Variants in TLCD5 observed in about 807,000 individuals in gnomAD.
The protein encoded by TLCD5 is TLC domain-containing protein 5.
A neutral mutation model predicts 20.5 loss-of-function variants in TLCD5; 15 were observed. That is an observed-to-expected ratio of 0.73 (90% CI 0.49 to 1.13). The LOEUF is 1.13. Ranked by LOEUF, TLCD5 falls within the 50% of genes most tolerant of loss-of-function variation. The pLI, the probability that TLCD5 is intolerant of heterozygous loss-of-function variation, is 0.00. For synonymous variants in TLCD5, 107 were observed against 114.7 expected (o/e 0.93, Z 0.43); for missense variants, 289 against 305.6 (o/e 0.95, Z 0.41).
chr11:120,326,761 T>G (rs923650484), intron 1 of TLCD5, among the ~76,000 whole-genome samples: 1 of 152,222 alleles, frequency 6.6e-6, no homozygotes, highest in Non-Finnish European at 1.5e-5. Context: ...AAAACTCCCC[T>G]CCTCTTGAAC....
intron 1 of TLCD5, among the ~76,000 whole-genome samples, chr11:120,325,829 A>T (rs959340476): frequency 4.6e-5 from 7 of 152,238 alleles, no homozygotes; most frequent in Non-Finnish European, 7.3e-5. Context: ...AAGGTCACAG[A>T]GTTGTGTCTG....
At chr11:120,325,715 G>A (rs1941983077) in intron 1 of TLCD5, among the ~76,000 whole-genome samples, 1 of 152,236 alleles carries the variant, frequency 6.6e-6, no homozygotes, top group Non-Finnish European at 1.5e-5. Flanking sequence ...GGAGAAACCA[G>A]GAGAGGAGCC....
intron 1 of TLCD5, 69 bp from the exon 2 acceptor site, chr11:120,327,372 C>G (rs749542181): frequency 3.1e-6 from 5 of 1,612,206 alleles, no homozygotes; most frequent in Middle Eastern, 1.8e-4. Flanking sequence ...GATATATACA[C>G]AAAATGACCC....
At chr11:120,329,638 A>G (rs770161167) in intron 2 of TLCD5, among the ~76,000 whole-genome samples, 4 of 152,064 alleles carry the variant, frequency 2.6e-5, no homozygotes, top group Non-Finnish European at 5.9e-5. Flanking sequence ...AAAAAAAAAT[A>G]AAGTTTAGGA....
At position 120,332,850 on chromosome 11, in the gene TLCD5, A is replaced by G. The variant is rs34298380; in HGVS notation, c.*2335A>G. 0.44 allele frequency: 66,496 copies of G among 152,012 alleles called. 15,283 individuals are homozygous for G. Among genetic ancestry groups the G allele is most frequent in the African/African-American group, 0.57 (23,758 of 41,372 alleles). 9.4% of individuals were successfully genotyped at this position (152,012 alleles called of 1,614,324 possible). On this transcript the variant is annotated 3_prime_UTR_variant, in exon 3 of 3. Transcript: ENST00000375095. The surrounding 1 kb of genome is among the most constrained non-coding windows in gnomAD (Gnocchi z 4.2). ...CCAGCCATGAGCGGTCTTGAAAATGAAAAATGGTCTTGGCCACAGAAACCA... is the reference window on the plus strand; with the variant it reads ...CCAGCCATGAGCGGTCTTGAAAATGGAAAATGGTCTTGGCCACAGAAACCA...
chr11:120,325,535 G>A (rs543743116), intron 1 of TLCD5, among the ~76,000 whole-genome samples, 167 bp downstream of exon 1: 1 of 152,128 alleles, frequency 6.6e-6, no homozygotes, highest in Admixed American at 6.5e-5. Flanking sequence ...GCGCCAGCGG[G>A]ATGCGGGGAT....
chr11:120,327,179 G>A (rs948446721), intron 1 of TLCD5: 15 of 600,362 alleles, frequency 2.5e-5, no homozygotes, highest in African/African-American at 2.0e-4. Context: ...TGTGATGTCA[G>A]CCTACCAGCT....
At position 120,333,233 on chromosome 11, in the gene TLCD5, C is replaced by T. The variant is rs1358299549; in HGVS notation, c.*2718C>T. The T allele has an allele frequency of 6.6e-6, 1 of 152,164 alleles. No individual in the cohort carries two copies. Among genetic ancestry groups the T allele is most frequent in the East Asian group, 1.9e-4 (1 of 5,202 alleles). 9.4% of individuals were successfully genotyped at this position (152,164 alleles called of 1,614,324 possible). On this transcript the variant is annotated 3_prime_UTR_variant, in exon 3 of 3. Transcript: ENST00000375095. The surrounding 1 kb of genome is among the most constrained non-coding windows in gnomAD (Gnocchi z 4.5). ...CTCTTGAATTTTGGCACAGTGCAAC[C>T]TGTTCCATACCAGACAAATGAACAG...
Position 120,330,159 on chromosome 11 carries a change from G to A in TLCD5, c.382G>A (p.Ala128Thr), listed in dbSNP as rs757543987. ...TGGGGAGTCTGGCACAGAGGTCAAT[G>A]CAGTCCTCTTTGGAAGTGAGCTTAC... ...VLGESGTEVN[A>T]VLFGSELTNP... Residue 128 changes from alanine (A) to threonine (T), a missense_variant, in exon 3 of 3, where the codon GCA becomes ACA. Transcript: ENST00000375095. The A allele has an allele frequency of 1.2e-6, 2 of 1,605,034 alleles. No homozygotes were observed. Among genetic ancestry groups the A allele is most frequent in the Non-Finnish European group, 1.7e-6 (2 of 1,174,968 alleles).
chr11:120,332,690 G>T lies in TLCD5; in HGVS notation c.*2175G>T, dbSNP rs1285944142. On this transcript the variant is annotated 3_prime_UTR_variant, in exon 3 of 3. Transcript: ENST00000375095. The surrounding 1 kb of genome is among the most constrained non-coding windows in gnomAD (Gnocchi z 4.2). Reference sequence around the variant, plus strand: ...TGGGACTACAGGCGTGTGCCACCATGCCTGGCTACTTTTTGTATTTTTAGT... The same window carrying T: ...TGGGACTACAGGCGTGTGCCACCATTCCTGGCTACTTTTTGTATTTTTAGT... The T allele has an allele frequency of 2.0e-5, 3 of 152,220 alleles. No individual in the cohort carries two copies. Among genetic ancestry groups the T allele is most frequent in the Non-Finnish European group, 4.4e-5 (3 of 68,134 alleles). 9.4% of individuals were successfully genotyped at this position (152,220 alleles called of 1,614,324 possible). A position where few individuals can be genotyped will look rare whatever the true frequency, so the allele number is the denominator to read the frequency against.
chr11:120,329,057 C>T (rs1354100307), intron 2 of TLCD5, among the ~76,000 whole-genome samples: 1 of 148,212 alleles, frequency 6.7e-6, no homozygotes, highest in Non-Finnish European at 1.5e-5. Context: ...GTGTCCTTAT[C>T]CCTTCTAAGG....
intron 2 of TLCD5, among the ~76,000 whole-genome samples, chr11:120,328,917 AGTGT>A (rs369015878): frequency 0.023 from 747 of 32,238 alleles, 23 homozygotes; most frequent in African/African-American, 0.088. Context: ...TAACAGTCAT[AGTGT>A]GTGTGTGTGT....
rs1177509674 is a variant in TLCD5, at chr11:120,333,319, CTTG to C, written c.*2810_*2812del. 6.6e-6 allele frequency: 1 copy of C among 152,140 alleles called. No homozygotes were observed. Among genetic ancestry groups the C allele is most frequent in the Non-Finnish European group, 1.5e-5 (1 of 68,028 alleles). 9.4% of individuals were successfully genotyped at this position (152,140 alleles called of 1,614,324 possible). A position where few individuals can be genotyped will look rare whatever the true frequency, so the allele number is the denominator to read the frequency against. On this transcript the variant is annotated 3_prime_UTR_variant, in exon 3 of 3. Transcript: ENST00000375095. The surrounding 1 kb of genome is among the most constrained non-coding windows in gnomAD (Gnocchi z 4.5). ...CCTCAGAAGTGAAGGGACTGCAGATCTTGTTGTTTTGGGGACACTTTCATGGAA... is the reference window on the plus strand; with the variant it reads ...CCTCAGAAGTGAAGGGACTGCAGATCTTGTTTTGGGGACACTTTCATGGAA...
intron 1 of TLCD5, 140 bp from the exon 2 acceptor site, chr11:120,327,301 C>G: frequency 7.1e-7 from 1 of 1,404,806 alleles, no homozygotes; most frequent in Non-Finnish European, 9.8e-7. Context: ...GATTCTTGGC[C>G]GTGTAGATAA....
At position 120,332,265 on chromosome 11, in the gene TLCD5, A is replaced by G. The variant is rs759346712; in HGVS notation, c.*1750A>G. On this transcript the variant is annotated 3_prime_UTR_variant, in exon 3 of 3. Coordinates refer to ENST00000375095, the MANE Select transcript of TLCD5 (RefSeq NM_001198671.2). The surrounding 1 kb of genome is among the most constrained non-coding windows in gnomAD (Gnocchi z 4.2). ...TTTAAACCTATTGTGAATGAATGAA[A>G]TACCCTGTAGTATATTTCATAAATA... 91 of 152,344 alleles carry G rather than the reference A, an allele frequency of 6.0e-4. No homozygotes were observed. The highest frequency in any genetic ancestry group is 2.0e-3 in the African/African-American group (84 of 41,576). 9.4% of individuals were successfully genotyped at this position (152,344 alleles called of 1,614,324 possible). A position where few individuals can be genotyped will look rare whatever the true frequency, so the allele number is the denominator to read the frequency against.
Position 120,327,643 on chromosome 11 carries a change from A to C in TLCD5, c.199+3A>C, listed in dbSNP as rs757888257. The C allele has an allele frequency of 1.9e-6, 3 of 1,610,672 alleles. No individual in the cohort carries two copies. The highest frequency in any genetic ancestry group is 1.7e-6 in the Non-Finnish European group (2 of 1,178,372). ...CCCATGGCCTTTTACCCACCCAGGTAGGTAGGGGATTTTCCCTTAGGGATT... is the reference window on the plus strand; with the variant it reads ...CCCATGGCCTTTTACCCACCCAGGTCGGTAGGGGATTTTCCCTTAGGGATT... On this transcript the variant is annotated splice_donor_region_variant and intron_variant, in intron 2 of 2. Coordinates refer to ENST00000375095, the MANE Select transcript of TLCD5 (RefSeq NM_001198671.2).
chr11:120,329,996 C>G lies in TLCD5; in HGVS notation c.219C>G (p.Leu73=), dbSNP rs913045405. Residue 73 remains leucine (L), a synonymous_variant, in exon 3 of 3, where the codon CTC becomes CTG. Transcript: ENST00000375095. The part of the protein sequence containing the change: ...FTHPGSPNTP[L]QVHVLCLTLG... ...TTTCAGGCTCACCCAATACACCTCT[C>G]CAAGTTCATGTCCTGTGTCTCACCT... is the stretch of plus-strand genomic sequence containing the variant. 6 of 1,613,678 alleles carry G rather than the reference C, an allele frequency of 3.7e-6. No individual in the cohort carries two copies. The African/African-American group carries it at 6.7e-5, about 18-fold the overall frequency.
intron 1 of TLCD5, among the ~76,000 whole-genome samples, chr11:120,326,054 G>A (rs2063190390): frequency 6.6e-6 from 1 of 152,228 alleles, no homozygotes; most frequent in African/African-American, 2.4e-5. Flanking sequence ...TGTATTTCTG[G>A]CCCTTACTCT....
chr11:120,327,205 G>A (rs1942020486), intron 1 of TLCD5: 1 of 663,922 alleles, frequency 1.5e-6, no homozygotes, highest in East Asian at 2.7e-5. Flanking sequence ...TGCAGTTCCT[G>A]GTTTCCAGTT....
Sources: gnomAD v4.1 joint callset for allele counts (sites outside exome capture counted in the v4.1 genomes callset) on GRCh38, gnomAD v4.1.1 for gene constraint, Gnocchi (gnomAD v3.1) non-coding constraint, MANE v1.5 for transcripts, NCBI Gene and HGNC (gene_info 2026-07-23, HGNC 2026-07-21) for gene names.